Variants in DOCK10 observed in about 807,000 individuals in gnomAD.
DOCK10 encodes the protein dedicator of cytokinesis protein 10.
Under a neutral mutation model 280.1 loss-of-function variants are expected in DOCK10, and 145 were observed. That is an observed-to-expected ratio of 0.52 (90% CI 0.45 to 0.59). The LOEUF (loss-of-function observed/expected upper bound fraction) is 0.59. Ranked by LOEUF, DOCK10 falls within the 20% of genes least tolerant of loss-of-function variation. The probability of loss-of-function intolerance (pLI) is 0.00; values close to 1 mark genes in which losing one functional copy is unlikely to be tolerated. For missense variants in DOCK10, 2,368 were observed against 2,651.7 expected (o/e 0.89, Z 2.35); for synonymous variants, 915 against 942.2 (o/e 0.97, Z 0.53).
chr2:224,907,317 G>A (rs1425812439), intron 3 of DOCK10, among the ~76,000 whole-genome samples: 1 of 152,102 alleles, frequency 6.6e-6, no homozygotes, highest in East Asian at 1.9e-4. Context: ...CATCACTGGG[G>A]CTTGTGCCGA....
At chr2:224,830,236 C>T (rs1353512850) in intron 27 of DOCK10, among the ~76,000 whole-genome samples, 2 of 152,162 alleles carry the variant, frequency 1.3e-5, no homozygotes, top group Non-Finnish European at 2.9e-5. Context: ...GCCAATCCTC[C>T]TTCCTTCCCC....
chr2:224,941,744 C>G (rs1420449127), intron 1 of DOCK10, among the ~76,000 whole-genome samples: 1 of 150,928 alleles, frequency 6.6e-6, no homozygotes, highest in Admixed American at 6.6e-5. Flanking sequence ...CTCGAGAGAC[C>G]GAGGCAGGAG....
At chr2:224,918,857 GT>G (rs1701497945) in intron 2 of DOCK10, among the ~76,000 whole-genome samples, 3 of 146,364 alleles carry the variant, frequency 2.0e-5, no homozygotes, top group Admixed American at 7.0e-5. Context: ...TGGTGTGTGT[GT>G]GGCGTGTGTG....
At chr2:224,821,628 G>C (rs1187155495) in intron 28 of DOCK10, among the ~76,000 whole-genome samples, 1 of 151,910 alleles carries the variant, frequency 6.6e-6, no homozygotes, top group Non-Finnish European at 1.5e-5. Context: ...TTAGTAATAA[G>C]GAGGGTAACT....
Position 224,794,973 on chromosome 2 carries a change from C to G in DOCK10, c.5060G>C (p.Ser1687Thr), listed in dbSNP as rs779001092. Residue 1687 changes from serine (S) to threonine (T), a missense_variant, in exon 45 of 56, where the codon AGC becomes ACC. Physicochemically the swap from Ser to Thr is moderately conservative, Grantham distance 58. Around this residue, in one of 2 missense-constraint regions of DOCK10, gnomAD observed 1,159 missense variants for 1,400.8 expected, o/e 0.83. Transcript: ENST00000258390. Reference protein sequence around the residue: ...DPEMLVDLQYSLANSYASTPE... With the variant: ...DPEMLVDLQYTLANSYASTPE... ...AGTGCTTGCGTAGGAGTTTGCCAGGCTGTACTGGAGATCCACCAGCATCTC... is the reference window on the plus strand; with the variant it reads ...AGTGCTTGCGTAGGAGTTTGCCAGGGTGTACTGGAGATCCACCAGCATCTC... 2 of 1,613,932 alleles carry G rather than the reference C, an allele frequency of 1.2e-6. No homozygotes were observed. Among genetic ancestry groups the G allele is most frequent in the East Asian group, 4.5e-5 (2 of 44,886 alleles).
At chr2:224,837,910 G>T in intron 24 of DOCK10, 79 bp from the exon 25 acceptor site, 1 of 1,067,936 alleles carries the variant, frequency 9.4e-7, no homozygotes, top group Non-Finnish European at 1.4e-6. Context: ...ACAGTGCTTT[G>T]TAAATTGGGT....
At chr2:224,888,185 G>A (rs535675115) in intron 4 of DOCK10, among the ~76,000 whole-genome samples, 1 of 151,604 alleles carries the variant, frequency 6.6e-6, no homozygotes, top group East Asian at 1.9e-4. Flanking sequence ...AAAGAGGAAT[G>A]GATAAAGAGA....
chr2:224,867,731 A>T (rs2125645079), intron 11 of DOCK10, among the ~76,000 whole-genome samples: 1 of 152,314 alleles, frequency 6.6e-6, no homozygotes, highest in African/African-American at 2.4e-5. Context: ...AATTGGTAGG[A>T]AGCGTTTGTG....
chr2:224,854,241 C>T (rs1696953100), intron 16 of DOCK10, among the ~76,000 whole-genome samples: 1 of 149,458 alleles, frequency 6.7e-6, no homozygotes, highest in African/African-American at 2.5e-5. Context: ...TTTCACATTG[C>T]TGAAAAAGTC....
intron 1 of DOCK10, chr2:224,946,766 T>C (rs2126103430): frequency 8.4e-6 from 9 of 1,074,394 alleles, no homozygotes; most frequent in Admixed American, 6.8e-5. Flanking sequence ...TCTGCTAGAA[T>C]ACCACTGTAG....
intron 1 of DOCK10, among the ~76,000 whole-genome samples, chr2:224,967,234 C>T (rs746610644): frequency 4.7e-4 from 72 of 152,208 alleles, no homozygotes; most frequent in Non-Finnish European, 7.8e-4. Context: ...GGCCCACCAC[C>T]ATGTCCGGCT....
intron 52 of DOCK10, 81 bp from the exon 53 acceptor site, chr2:224,773,428 A>C: frequency 1.5e-6 from 2 of 1,305,652 alleles, no homozygotes; most frequent in Non-Finnish European, 2.1e-6. Flanking sequence ...CCAGAGGATC[A>C]TGTATCATTT....
chr2:225,012,837 G>A (rs1417519069), intron 1 of DOCK10, among the ~76,000 whole-genome samples: 3 of 152,118 alleles, frequency 2.0e-5, no homozygotes, highest in South Asian at 2.1e-4. Flanking sequence ...TAAAGCCCAG[G>A]AAGGTCCTAT....
rs748789307 is a variant in DOCK10, at chr2:225,042,344, G to A, written c.31C>T (p.Arg11Trp). The change falls in exon 1 of 56, where the codon CGG becomes TGG. Residue 11 changes from arginine (R) to tryptophan (W), a missense_variant. Arg to Trp is a moderately radical substitution (Grantham distance 101, BLOSUM62 -3). Transcript: ENST00000258390. The surrounding 1 kb of genome is among the most constrained non-coding windows in gnomAD (Gnocchi z 5.1). ...GCCTGCCCAGGTCTCAACAGGCTCCGGGTGAACCTGCGGGTCCGCTCACCG... is the reference window on the plus strand; with the variant it reads ...GCCTGCCCAGGTCTCAACAGGCTCCAGGTGAACCTGCGGGTCCGCTCACCG... MAGERTRRFT[R>W]SLLRPGQAAE... 16 of 1,312,862 alleles carry A rather than the reference G, an allele frequency of 1.2e-5. No homozygotes were observed. In the African/African-American group the frequency reaches 2.1e-4, roughly 18 times the overall value. The allele number at this position is 1,312,862 out of a possible 1,614,324, so 81.3% of individuals were successfully genotyped here. A position where few individuals can be genotyped will look rare whatever the true frequency, so the allele number is the denominator to read the frequency against.
intron 1 of DOCK10, among the ~76,000 whole-genome samples, chr2:225,003,054 T>C (rs755204702): frequency 2.6e-5 from 4 of 152,136 alleles, no homozygotes; most frequent in Non-Finnish European, 4.4e-5. Context: ...ATTTTTATTT[T>C]ATTCTATTTT....
chr2:224,956,530 A>G (rs1704045308), intron 1 of DOCK10, among the ~76,000 whole-genome samples: 1 of 149,968 alleles, frequency 6.7e-6, no homozygotes, highest in African/African-American at 2.5e-5. Context: ...AGCCTGAGGC[A>G]GGAGAATCAC....
intron 3 of DOCK10, among the ~76,000 whole-genome samples, chr2:224,897,823 GA>G (rs879382549): frequency 6.6e-6 from 1 of 152,112 alleles, no homozygotes; most frequent in Non-Finnish European, 1.5e-5. Context: ...TTTATGGATG[GA>G]AATATTTTCC....
intron 3 of DOCK10, among the ~76,000 whole-genome samples, chr2:224,903,475 C>T (rs1400796598): frequency 4.6e-5 from 7 of 152,158 alleles, no homozygotes; most frequent in Non-Finnish European, 1.0e-4. Flanking sequence ...TATTTGGTTT[C>T]TCTTTTCAAA....
intron 1 of DOCK10, among the ~76,000 whole-genome samples, chr2:225,033,419 G>T (rs1465686061): frequency 6.6e-6 from 1 of 152,120 alleles, no homozygotes; most frequent in East Asian, 1.9e-4. Flanking sequence ...CTGACCTCAG[G>T]TGATCCTCCC....
Sources: gnomAD v4.1 joint callset for allele counts (sites outside exome capture counted in the v4.1 genomes callset) on GRCh38, gnomAD v4.1.1 for gene constraint, gnomAD v4.1.1 regional missense constraint, Gnocchi (gnomAD v3.1) non-coding constraint, MANE v1.5 for transcripts, NCBI Gene and HGNC (gene_info 2026-07-23, HGNC 2026-07-21) for gene names.